RHOF: variants seen among roughly 807,000 people sequenced by gnomAD.
The protein encoded by RHOF is ras homolog family member F, filopodia associated, also known as rho-related GTP-binding protein RhoF.
RHOF carries 21 observed loss-of-function variants against 22.2 expected under a neutral mutation model. The ratio of observed to expected loss-of-function variants is 0.95; its 90% confidence interval spans 0.67 to 1.36. RHOF has a LOEUF of 1.36. RHOF is among the 40% of genes most tolerant of loss of function. The pLI is 0.00. For synonymous variants in RHOF, 135 were observed against 131.2 expected (o/e 1.03, Z -0.20); for missense variants, 285 against 293.7 (o/e 0.97, Z 0.22).
intron 2 of RHOF, among the ~76,000 whole-genome samples, chr12:121,787,331 T>C (rs558933609): frequency 1.3e-5 from 2 of 152,304 alleles, no homozygotes; most frequent in African/African-American, 2.4e-5. Flanking sequence ...GGGACAGTTC[T>C]TCCTGTTAAG....
intron 2 of RHOF, among the ~76,000 whole-genome samples, chr12:121,786,229 T>A (rs960260264): frequency 5.9e-5 from 9 of 151,962 alleles, no homozygotes; most frequent in Admixed American, 3.3e-4. Flanking sequence ...CTTTTTTCTG[T>A]ATTTTTAGTA....
intron 2 of RHOF, 107 bp from the exon 3 acceptor site, chr12:121,781,299 T>G: frequency 1.1e-6 from 1 of 930,532 alleles, no homozygotes; most frequent in Non-Finnish European, 1.7e-6. Context: ...GGGCCTCAAT[T>G]TCCTCATCTA....
chr12:121,792,591 C>G (rs1874792029), intron 2 of RHOF, among the ~76,000 whole-genome samples: 1 of 152,250 alleles, frequency 6.6e-6, no homozygotes, highest in Admixed American at 6.5e-5. Context: ...CCACGCAATT[C>G]CAGAACCACC....
At chr12:121,793,458 G>C (rs777970145) in intron 1 of RHOF, 38 bp downstream of exon 1, 1 of 1,536,428 alleles carries the variant, frequency 6.5e-7, no homozygotes, top group South Asian at 1.2e-5. Flanking sequence ...GGTAAGGGGC[G>C]TCCCTCGCCC....
chr12:121,779,239 T>G lies in RHOF; in HGVS notation c.*259A>C. 2 of 526,022 alleles carry G rather than the reference T, an allele frequency of 3.8e-6. No homozygotes were observed. Among genetic ancestry groups the G allele is most frequent in the Admixed American group, 6.2e-5 (2 of 32,042 alleles). 32.6% of individuals were successfully genotyped at this position (526,022 alleles called of 1,614,324 possible). A position where few individuals can be genotyped will look rare whatever the true frequency, so the allele number is the denominator to read the frequency against. On this transcript the variant is annotated 3_prime_UTR_variant, in exon 5 of 5. Coordinates refer to ENST00000267205, the MANE Select transcript of RHOF (RefSeq NM_019034.3). Reference sequence around the variant, plus strand: ...ACACTCGTGGTGGGGGTGGCTGTGATGAGGGCACTTGCGAGTCCCGACAAC... The same window carrying G: ...ACACTCGTGGTGGGGGTGGCTGTGAGGAGGGCACTTGCGAGTCCCGACAAC...
At chr12:121,783,319 C>G (rs1874522629) in intron 2 of RHOF, among the ~76,000 whole-genome samples, 1 of 145,824 alleles carries the variant, frequency 6.9e-6, no homozygotes, top group Admixed American at 6.8e-5. Context: ...CCCTATTGCC[C>G]CCCCCCCCAC....
intron 2 of RHOF, among the ~76,000 whole-genome samples, chr12:121,790,483 T>G (rs1256652281): frequency 6.6e-6 from 1 of 152,230 alleles, no homozygotes; most frequent in East Asian, 1.9e-4. Flanking sequence ...ATGAATCATC[T>G]CCGGCATTCG....
chr12:121,789,327 C>T (rs1366152275), intron 2 of RHOF, among the ~76,000 whole-genome samples: 4 of 152,040 alleles, frequency 2.6e-5, no homozygotes, highest in Admixed American at 1.3e-4. Flanking sequence ...CCCCCTAGAG[C>T]CGCCCATCGT....
At position 121,789,035 on chromosome 12, in the gene RHOF, C is replaced by A. The variant is rs141024001; in HGVS notation, c.226+4117G>T. 4.9e-4 allele frequency among the ~76,000 whole-genome samples: 75 copies of A among 152,198 alleles called. 1 individual carries two copies. In the East Asian group the frequency reaches 0.014, roughly 29 times the overall value. The stretch of plus-strand genomic sequence containing the variant: ...CACCTGCCCGTAGTCACAGAGGGGG[C>A]CCATCCAGCCTCTGCAGATGGGCTT... On this transcript the variant is annotated intron_variant, in intron 2 of 4. Coordinates refer to ENST00000267205, the MANE Select transcript of RHOF (RefSeq NM_019034.3).
intron 2 of RHOF, among the ~76,000 whole-genome samples, chr12:121,783,811 C>T (rs1327873605): frequency 7.6e-4 from 115 of 152,276 alleles, no homozygotes; most frequent in Non-Finnish European, 1.5e-3. Context: ...GCCATCTTGG[C>T]CAGGCTGGTC....
chr12:121,791,434 C>G (rs779653893), intron 2 of RHOF, among the ~76,000 whole-genome samples: 1 of 152,160 alleles, frequency 6.6e-6, no homozygotes, highest in Non-Finnish European at 1.5e-5. Flanking sequence ...CCCAATGATA[C>G]GTAGCCAATA....
At chr12:121,781,460 G>A in intron 2 of RHOF, 1 of 410,274 alleles carries the variant, frequency 2.4e-6, no homozygotes, top group Non-Finnish European at 4.5e-6. Flanking sequence ...GACAGAGCGA[G>A]ACCCTGTCTC....
rs1449612446 is a variant in RHOF at position 121,780,653 on chromosome 12, G to A, written c.471+219C>T. ...TCAGTTTCTCCCCCTGTAAACTGGGGGATGTGAACAGCGCCTGCCTCCGAG... is the reference window on the plus strand; with the variant it reads ...TCAGTTTCTCCCCCTGTAAACTGGGAGATGTGAACAGCGCCTGCCTCCGAG... On this transcript the variant is annotated intron_variant, in intron 4 of 4. Transcript: ENST00000267205. 14 of 594,174 alleles carry A rather than the reference G, an allele frequency of 2.4e-5. No homozygotes were observed. In the South Asian group the frequency reaches 3.2e-4, roughly 13 times the overall value. 36.8% of individuals were successfully genotyped at this position (594,174 alleles called of 1,614,324 possible).
chr12:121,783,317 C>T (rs554600264), intron 2 of RHOF, among the ~76,000 whole-genome samples: 1 of 61,624 alleles, frequency 1.6e-5, no homozygotes, highest in African/African-American at 6.3e-5. Flanking sequence ...CTCCCTATTG[C>T]CCCCCCCCCC....
At chr12:121,785,344 C>T (rs1874578214) in intron 2 of RHOF, among the ~76,000 whole-genome samples, 1 of 152,048 alleles carries the variant, frequency 6.6e-6, no homozygotes, top group Non-Finnish European at 1.5e-5. Flanking sequence ...GTAACTGAAA[C>T]TACAGAAAGT....
At chr12:121,788,760 A>G (rs1874682037) in intron 2 of RHOF, among the ~76,000 whole-genome samples, 2 of 152,032 alleles carry the variant, frequency 1.3e-5, no homozygotes, top group African/African-American at 4.8e-5. Context: ...GCCCAGGAGA[A>G]GGGAGGCAAT....
chr12:121,782,602 T>C (rs1431910677), intron 2 of RHOF: 1 of 152,276 alleles, frequency 6.6e-6, no homozygotes, highest in Non-Finnish European at 1.5e-5. Context: ...ACAAGTGGCC[T>C]CTCCACGGAG....
chr12:121,780,254 T>C (rs1874400838), intron 4 of RHOF: 1 of 157,168 alleles, frequency 6.4e-6, no homozygotes, highest in Non-Finnish European at 1.4e-5. Flanking sequence ...ATGGGGTTTC[T>C]CTCATGTTGG....
chr12:121,786,642 C>T (rs1016663927), intron 2 of RHOF, among the ~76,000 whole-genome samples: 2 of 152,166 alleles, frequency 1.3e-5, no homozygotes, highest in East Asian at 1.9e-4. Context: ...AATGTCGCCT[C>T]CTCCCAGAGA....
Sources: gnomAD v4.1 joint callset for allele counts (sites outside exome capture counted in the v4.1 genomes callset) on GRCh38, gnomAD v4.1.1 for gene constraint, MANE v1.5 for transcripts, NCBI Gene and HGNC (gene_info 2026-07-23, HGNC 2026-07-21) for gene names.